Variants in CADPS observed in about 807,000 individuals in gnomAD.
CADPS encodes the protein calcium-dependent secretion activator 1.
CADPS carries 57 observed loss-of-function variants against 167.3 expected under a neutral mutation model. The ratio of observed to expected loss-of-function variants is 0.34; its 90% CI spans 0.28 to 0.42. The LOEUF (loss-of-function observed/expected upper bound fraction) is 0.42. Ranked by LOEUF, CADPS falls within the 20% of genes least tolerant of loss-of-function variation. The pLI is 1.00. For missense variants in CADPS, 1,414 were observed against 1,738.1 expected, an observed-to-expected ratio of 0.81 and a Z score of 3.32; for synonymous variants, 676 against 635.3, an observed-to-expected ratio of 1.06 and a Z score of -0.96.
chr3:62,614,915 C>T (rs993731761), intron 6 of CADPS, among the ~76,000 whole-genome samples: 1 of 152,148 alleles, frequency 6.6e-6, no homozygotes, highest in Non-Finnish European at 1.5e-5. Context: ...ACATATGTGT[C>T]TCTTAGGGCA....
chr3:62,770,712 C>T (rs916150244), intron 1 of CADPS, among the ~76,000 whole-genome samples: 1 of 152,170 alleles, frequency 6.6e-6, no homozygotes, highest in African/African-American at 2.4e-5. Flanking sequence ...AAGCGTGAGC[C>T]GTCATGCCCA....
chr3:62,539,334 T>C (rs1048204863), intron 11 of CADPS, among the ~76,000 whole-genome samples: 6 of 152,180 alleles, frequency 3.9e-5, no homozygotes, highest in African/African-American at 1.2e-4. Context: ...TGGAGCTTAA[T>C]GCAGTGGGAA....
At chr3:62,790,706 C>T (rs1204511208) in intron 1 of CADPS, among the ~76,000 whole-genome samples, 1 of 152,124 alleles carries the variant, frequency 6.6e-6, no homozygotes, top group Non-Finnish European at 1.5e-5. Context: ...AGGATATTGT[C>T]AATGATCAAA....
intron 9 of CADPS, among the ~76,000 whole-genome samples, chr3:62,563,222 A>G (rs2079500444): frequency 6.6e-6 from 1 of 152,202 alleles, no homozygotes; most frequent in Non-Finnish European, 1.5e-5. Flanking sequence ...TATAAATATA[A>G]ATGTCTTATA....
At chr3:62,757,682 C>T (rs1359218592) in intron 2 of CADPS, among the ~76,000 whole-genome samples, 3 of 152,072 alleles carry the variant, frequency 2.0e-5, no homozygotes, top group Non-Finnish European at 4.4e-5. Flanking sequence ...GCTGGTGTAA[C>T]TGGTTGAGTG....
intron 8 of CADPS, among the ~76,000 whole-genome samples, chr3:62,577,459 T>C (rs1429749391): frequency 1.3e-5 from 2 of 152,128 alleles, no homozygotes; most frequent in Non-Finnish European, 2.9e-5. Context: ...AGGGATGCTT[T>C]TGTCCTCTTC....
intron 7 of CADPS, among the ~76,000 whole-genome samples, chr3:62,586,170 G>A (rs1452654527): frequency 2.0e-5 from 3 of 152,220 alleles, no homozygotes; most frequent in Non-Finnish European, 4.4e-5. Flanking sequence ...GAAACTAAGG[G>A]AACATGAACT....
At chr3:62,572,515 C>T (rs2081475904) in intron 8 of CADPS, among the ~76,000 whole-genome samples, 1 of 152,144 alleles carries the variant, frequency 6.6e-6, no homozygotes, top group Non-Finnish European at 1.5e-5. Context: ...AAAATTCCTT[C>T]AGTGCCTCCC....
In CADPS at chr3:62,516,147, T is replaced by C. The variant is rs757023374; in HGVS notation, c.2493A>G (p.Gln831=). ...TACGGATAACTGTTTTTACCTCCTC[T>C]TGTGGCACTGGGGTAACAATATCTT... ...LMKDIVTPVP[Q]EEVKTVIRKC... The change falls in exon 16 of 30, where the codon CAA becomes CAG. Residue 831 remains glutamine (Q), a synonymous_variant. Coordinates refer to ENST00000383710, the MANE Select transcript of CADPS (RefSeq NM_003716.4). The C allele has an allele frequency of 2.5e-6, 4 of 1,613,282 alleles. No individual in the cohort carries two copies. Among genetic ancestry groups the C allele is most frequent in the Admixed American group, 1.7e-5 (1 of 59,972 alleles).
At chr3:62,656,611 G>A (rs2071660729) in intron 4 of CADPS, among the ~76,000 whole-genome samples, 1 of 152,128 alleles carries the variant, frequency 6.6e-6, no homozygotes, top group South Asian at 2.1e-4. Context: ...GAAGGCTGGT[G>A]ATGGCTGAGC....
rs1226688820 is a variant in CADPS at position 62,478,673 on chromosome 3, G to T, written c.3174-257C>A. ...GAAGGTGTTGCCCCATAACAACCAGGAGAATGGTGTATGGTAAAAATCAGC... is the reference window on the plus strand; with the variant it reads ...GAAGGTGTTGCCCCATAACAACCAGTAGAATGGTGTATGGTAAAAATCAGC... On this transcript the variant is annotated intron_variant, in intron 22 of 29. Coordinates refer to ENST00000383710, the MANE Select transcript of CADPS (RefSeq NM_003716.4). The surrounding 1 kb of genome is among the most constrained non-coding windows in gnomAD (Gnocchi z 5.7). 6.6e-6 allele frequency among the ~76,000 whole-genome samples: 1 copy of T among 152,160 alleles called. No individual in the cohort carries two copies. Among genetic ancestry groups the T allele is most frequent in the Non-Finnish European group, 1.5e-5 (1 of 68,026 alleles).
intron 17 of CADPS, among the ~76,000 whole-genome samples, chr3:62,507,019 C>A (rs2066810851): frequency 6.6e-6 from 1 of 152,172 alleles, no homozygotes. Flanking sequence ...GATTTCCTAG[C>A]TACATGAACC....
intron 6 of CADPS, among the ~76,000 whole-genome samples, chr3:62,641,700 T>C (rs567546904): frequency 6.6e-6 from 1 of 152,246 alleles, no homozygotes; most frequent in South Asian, 2.1e-4. Context: ...CTTGATCGTA[T>C]ATTCTCCTGG....
At chr3:62,505,028 CA>C (rs1242778519) in intron 17 of CADPS, among the ~76,000 whole-genome samples, 1 of 151,980 alleles carries the variant, frequency 6.6e-6, no homozygotes, top group Non-Finnish European at 1.5e-5. Context: ...TTGTATTATG[CA>C]ATTACAGAAA....
chr3:62,424,723 A>G (rs1422864816), intron 28 of CADPS, among the ~76,000 whole-genome samples: 3 of 152,238 alleles, frequency 2.0e-5, no homozygotes, highest in Non-Finnish European at 2.9e-5. Context: ...GCGATTCATT[A>G]CCCATTACAT....
At chr3:62,679,458 A>C (rs1308596914) in intron 3 of CADPS, among the ~76,000 whole-genome samples, 1 of 151,872 alleles carries the variant, frequency 6.6e-6, no homozygotes, top group Non-Finnish European at 1.5e-5. Context: ...CAGAGATGGG[A>C]GCTTATGTGT....
intron 1 of CADPS, among the ~76,000 whole-genome samples, chr3:62,769,952 C>T (rs2088130512): frequency 6.6e-6 from 1 of 152,126 alleles, no homozygotes; most frequent in Non-Finnish European, 1.5e-5. Flanking sequence ...GGTAACATAC[C>T]TCAAGATCTT....
intron 3 of CADPS, among the ~76,000 whole-genome samples, chr3:62,673,072 TG>T (rs34703451): frequency 0.07 from 10,731 of 152,272 alleles, 476 homozygotes; most frequent in Non-Finnish European, 0.11. Context: ...CACATTTGTG[TG>T]ATTTGCTTCT....
At chr3:62,715,639 G>T (rs1382438965) in intron 3 of CADPS, among the ~76,000 whole-genome samples, 1 of 150,554 alleles carries the variant, frequency 6.6e-6, no homozygotes, top group Admixed American at 6.6e-5. Context: ...TACCACATAT[G>T]ACATTTGGAA....
Sources: gnomAD v4.1 joint callset for allele counts (sites outside exome capture counted in the v4.1 genomes callset) on GRCh38, gnomAD v4.1.1 for gene constraint, Gnocchi (gnomAD v3.1) non-coding constraint, MANE v1.5 for transcripts, NCBI Gene and HGNC (gene_info 2026-07-23, HGNC 2026-07-21) for gene names.